Variants in TG observed in about 807,000 individuals in gnomAD.
The protein encoded by TG is thyroglobulin.
Under a neutral mutation model 324.7 loss-of-function variants are expected in TG, and 270 were observed. The observed-to-expected ratio is 0.83, with a 90% CI of 0.75 to 0.92. TG has a LOEUF of 0.92. Ranked by LOEUF, TG falls within the 40% of genes least tolerant of loss-of-function variation. The probability of loss-of-function intolerance (pLI) is 0.00; values close to 1 mark genes in which losing one functional copy is unlikely to be tolerated. For synonymous variants in TG, 1,401 were observed against 1,327.0 expected (o/e 1.06, Z -1.21); for missense variants, 3,591 against 3,456.4 (o/e 1.04, Z -0.98).
At chr8:132,973,988 CTTTT>C (rs869164425) in intron 34 of TG, among the ~76,000 whole-genome samples, 40 of 112,994 alleles carry the variant, frequency 3.5e-4, no homozygotes, top group Admixed American at 6.7e-4. Flanking sequence ...TTGACCATTC[CTTTT>C]TTTTTTTTTT....
intron 25 of TG, among the ~76,000 whole-genome samples, chr8:132,937,185 G>T (rs905892721): frequency 1.3e-5 from 2 of 152,176 alleles, no homozygotes; most frequent in African/African-American, 4.8e-5. Context: ...CTCGACCTGG[G>T]ACTTGGGGGT....
intron 41 of TG, among the ~76,000 whole-genome samples, chr8:133,076,984 A>G (rs1211799159): frequency 2.0e-5 from 3 of 152,128 alleles, no homozygotes; most frequent in Non-Finnish European, 4.4e-5. Context: ...ATATGTGACT[A>G]TCAATTATGG....
chr8:133,060,038 A>G, intron 41 of TG: 1 of 1,493,770 alleles, frequency 6.7e-7, no homozygotes, highest in Non-Finnish European at 8.9e-7. Flanking sequence ...ACCACCGCCC[A>G]GTCTTTACCA....
chr8:132,983,009 C>T (rs558706830), intron 34 of TG, among the ~76,000 whole-genome samples: 11 of 152,292 alleles, frequency 7.2e-5, no homozygotes, highest in Admixed American at 3.9e-4. Flanking sequence ...CTGCTGCATT[C>T]GCTTTGCCCT....
intron 20 of TG, 125 bp downstream of exon 20, chr8:132,913,390 A>G (rs1819815363): frequency 3.9e-6 from 4 of 1,026,978 alleles, no homozygotes; most frequent in Non-Finnish European, 5.9e-6. Flanking sequence ...TTAGTTAACG[A>G]GCAAAAGTTT....
chr8:132,987,762 T>C (rs753603641), intron 35 of TG, among the ~76,000 whole-genome samples: 5 of 151,594 alleles, frequency 3.3e-5, no homozygotes, highest in Non-Finnish European at 1.5e-5. Flanking sequence ...AAGCCACCCA[T>C]TCAAAGTCTA....
chr8:133,010,855 C>A (rs563376548), intron 35 of TG, among the ~76,000 whole-genome samples: 1 of 152,168 alleles, frequency 6.6e-6, no homozygotes, highest in Non-Finnish European at 1.5e-5. Context: ...CCACGTCCTA[C>A]GTACAGGACT....
At chr8:133,127,794 C>G (rs10086291) in intron 45 of TG, among the ~76,000 whole-genome samples, 25 of 152,230 alleles carry the variant, frequency 1.6e-4, no homozygotes, top group African/African-American at 6.0e-4. Context: ...TGCACCAGCC[C>G]CCACCTGCCC....
chr8:133,112,508 G>A (rs971699712), intron 43 of TG, among the ~76,000 whole-genome samples: 3 of 151,800 alleles, frequency 2.0e-5, no homozygotes, highest in Non-Finnish European at 4.4e-5. Context: ...CCAGAACAAG[G>A]AAGGAACAGA....
At chr8:133,105,100 G>A (rs1256302737) in intron 43 of TG, among the ~76,000 whole-genome samples, 3 of 152,222 alleles carry the variant, frequency 2.0e-5, no homozygotes, top group African/African-American at 7.2e-5. Context: ...CTTGCAAGAA[G>A]CAGGTGAACT....
chr8:133,060,380 T>C (rs1842200205), intron 41 of TG: 3 of 1,526,572 alleles, frequency 2.0e-6, no homozygotes, highest in South Asian at 2.5e-5. Context: ...GCTCAAGTTC[T>C]TTTATCAAGG....
chr8:132,992,880 T>C (rs1441840651), intron 35 of TG, among the ~76,000 whole-genome samples: 1 of 152,200 alleles, frequency 6.6e-6, no homozygotes, highest in Non-Finnish European at 1.5e-5. Flanking sequence ...ATTGTTGTCA[T>C]TTGTTTACTT....
At chr8:132,988,487 A>C (rs1343043470) in intron 35 of TG, among the ~76,000 whole-genome samples, 2 of 152,226 alleles carry the variant, frequency 1.3e-5, no homozygotes, top group Non-Finnish European at 2.9e-5. Flanking sequence ...GGCTTGAAGC[A>C]GTGGAACAAT....
At chr8:133,007,944 C>T (rs1834170088) in intron 35 of TG, among the ~76,000 whole-genome samples, 1 of 151,902 alleles carries the variant, frequency 6.6e-6, no homozygotes, top group African/African-American at 2.4e-5. Flanking sequence ...CCAGTTTTGT[C>T]TCACCCATGT....
chr8:132,992,577 G>C (rs896674547), intron 35 of TG, among the ~76,000 whole-genome samples: 2 of 152,180 alleles, frequency 1.3e-5, no homozygotes, highest in Non-Finnish European at 2.9e-5. Context: ...CCTCAGATGT[G>C]TCCCACATTG....
At chr8:132,891,392 T>A (rs1302981060) in intron 10 of TG, among the ~76,000 whole-genome samples, 3 of 152,192 alleles carry the variant, frequency 2.0e-5, no homozygotes, top group African/African-American at 7.2e-5. Context: ...TGGAGTGCAG[T>A]GGCATGATCT....
chr8:133,112,401 A>G (rs1042252630), intron 43 of TG, among the ~76,000 whole-genome samples: 5 of 152,202 alleles, frequency 3.3e-5, no homozygotes, highest in African/African-American at 9.7e-5. Context: ...TGCATCCCAG[A>G]CTTTCCCCTG....
chr8:132,914,706 C>A (rs934573757), intron 20 of TG, among the ~76,000 whole-genome samples: 1 of 152,156 alleles, frequency 6.6e-6, no homozygotes, highest in African/African-American at 2.4e-5. Flanking sequence ...TAATAGAGGG[C>A]GAGTAAGCCC....
chr8:132,887,104 C>T lies in TG; in HGVS notation c.1732C>T (p.Leu578Phe). Residue 578 changes from leucine to phenylalanine, a missense_variant, in exon 9 of 48, where the codon CTT becomes TTT. Leu to Phe is a conservative substitution (Grantham distance 22). Transcript: ENST00000220616. The stretch of plus-strand genomic sequence containing the variant: ...TTCTCTCCTGGAGCTTCCAGAATTC[C>T]TTCTCTTCTTGCAACATGCTATCTC... Reference protein sequence around the residue: ...LASLLELPEFLLFLQHAISVP... With the variant: ...LASLLELPEFFLFLQHAISVP... 2 of 1,614,216 alleles carry T rather than the reference C, an allele frequency of 1.2e-6. No homozygotes were observed. Among genetic ancestry groups the T allele is most frequent in the Non-Finnish European group, 1.7e-6 (2 of 1,180,046 alleles).
Sources: gnomAD v4.1 joint callset for allele counts (sites outside exome capture counted in the v4.1 genomes callset) on GRCh38, gnomAD v4.1.1 for gene constraint, MANE v1.5 for transcripts, NCBI Gene and HGNC (gene_info 2026-07-23, HGNC 2026-07-21) for gene names.